RGS6: variants seen among roughly 807,000 people sequenced by gnomAD.
RGS6 encodes the protein regulator of G-protein signaling 6.
RGS6 carries 30 observed loss-of-function variants against 78.5 expected under a neutral mutation model. The ratio of observed to expected loss-of-function variants is 0.38; its 90% confidence interval spans 0.29 to 0.52. The LOEUF is 0.52. Among genes scored for constraint, RGS6 ranks in the 20% least tolerant of loss-of-function variants. The pLI is 0.85. For synonymous variants in RGS6, 206 were observed against 206.0 expected (o/e 1.00, Z 0.00); for missense variants, 495 against 609.7 (o/e 0.81, Z 1.98).
intron 2 of RGS6, among the ~76,000 whole-genome samples, chr14:72,265,217 G>GT (rs1319435776): frequency 3.3e-5 from 5 of 152,148 alleles, no homozygotes; most frequent in Admixed American, 2.6e-4. Flanking sequence ...AATTAGTGGG[G>GT]TGTGGTGGGC....
chr14:72,184,908 A>G (rs948743949), intron 2 of RGS6, among the ~76,000 whole-genome samples: 2 of 152,194 alleles, frequency 1.3e-5, no homozygotes, highest in Admixed American at 6.5e-5. Flanking sequence ...ATTAAGGAGT[A>G]TTGACTCACA....
At chr14:71,909,192 C>T in the RGS6 span, among the ~76,000 whole-genome samples, 7 of 152,226 alleles carry the variant, frequency 4.6e-5, no homozygotes, top group African/African-American at 1.4e-4. Flanking sequence ...GAAAGGATGG[C>T]GTGTTCCTCC....
chr14:72,157,990 T>C (rs974451989), intron 2 of RGS6, among the ~76,000 whole-genome samples: 1 of 152,132 alleles, frequency 6.6e-6, no homozygotes, highest in Non-Finnish European at 1.5e-5. Context: ...TATCCCTCCC[T>C]TAGCCCCGCA....
the RGS6 span, among the ~76,000 whole-genome samples, chr14:71,885,467 A>G: frequency 6.6e-6 from 1 of 152,210 alleles, no homozygotes; most frequent in Non-Finnish European, 1.5e-5. Context: ...TTCAACTCTT[A>G]GGAGAGCCAA....
At chr14:71,986,773 G>GA (rs1376042685) in intron 2 of RGS6, among the ~76,000 whole-genome samples, 1 of 152,162 alleles carries the variant, frequency 6.6e-6, no homozygotes, top group Non-Finnish European at 1.5e-5. Context: ...AATCAGGAGT[G>GA]AAAAATGATT....
chr14:72,510,366 A>C, intron 14 of RGS6, 87 bp downstream of exon 14: 18 of 1,527,900 alleles, frequency 1.2e-5, no homozygotes, highest in Non-Finnish European at 1.5e-5. Context: ...TCTCTCAATG[A>C]AACGTTATCA....
chr14:72,486,814 A>G (rs1355550538), intron 12 of RGS6, among the ~76,000 whole-genome samples: 3 of 152,212 alleles, frequency 2.0e-5, no homozygotes. Context: ...CTAAAGAGAC[A>G]GGAGAGCAAG....
At chr14:72,510,621 C>G (rs887984087) in intron 14 of RGS6, among the ~76,000 whole-genome samples, 2 of 152,216 alleles carry the variant, frequency 1.3e-5, no homozygotes, top group African/African-American at 4.8e-5. Context: ...GGAGAGGCAT[C>G]TCAGAGGCTG....
intron 3 of RGS6, among the ~76,000 whole-genome samples, chr14:72,357,777 G>A (rs1435519697): frequency 1.3e-5 from 2 of 152,146 alleles, no homozygotes; most frequent in African/African-American, 4.8e-5. Context: ...ACATTTTCTG[G>A]GGAGAAATTC....
chr14:72,262,122 G>A (rs144118280), intron 2 of RGS6, among the ~76,000 whole-genome samples: 1 of 151,806 alleles, frequency 6.6e-6, no homozygotes, highest in African/African-American at 2.4e-5. Context: ...TTCCTATTCA[G>A]CCTCATCATA....
chr14:72,375,165 CAG>C (rs1282726062), intron 3 of RGS6, among the ~76,000 whole-genome samples: 5 of 152,034 alleles, frequency 3.3e-5, no homozygotes, highest in Non-Finnish European at 7.4e-5. Context: ...AAGTAAATAA[CAG>C]AGAAAATGGG....
chr14:72,212,199 C>T (rs2044347884), intron 2 of RGS6, among the ~76,000 whole-genome samples: 1 of 152,166 alleles, frequency 6.6e-6, no homozygotes, highest in African/African-American at 2.4e-5. Context: ...CCCTTTGTGT[C>T]CATTTTGAGG....
At chr14:72,473,179 C>T (rs2096133061) in intron 9 of RGS6, among the ~76,000 whole-genome samples, 1 of 152,230 alleles carries the variant, frequency 6.6e-6, no homozygotes, top group African/African-American at 2.4e-5. Context: ...CATGGCGGCT[C>T]ACGCCTGTAA....
At chr14:71,967,566 C>G (rs528683315) in intron 2 of RGS6, among the ~76,000 whole-genome samples, 1 of 152,194 alleles carries the variant, frequency 6.6e-6, no homozygotes, top group South Asian at 2.1e-4. Flanking sequence ...AGCCATAAAC[C>G]CAAACCTTTC....
intron 3 of RGS6, among the ~76,000 whole-genome samples, chr14:72,356,847 CTG>C (rs1193781398): frequency 6.6e-6 from 1 of 152,232 alleles, no homozygotes; most frequent in African/African-American, 2.4e-5. Flanking sequence ...CCGTGCTGAA[CTG>C]TGAGTCAATT....
chr14:72,321,989 T>G (rs1459509966), intron 2 of RGS6, among the ~76,000 whole-genome samples: 1 of 152,012 alleles, frequency 6.6e-6, no homozygotes, highest in African/African-American at 2.4e-5. Flanking sequence ...CAAAAAGGAA[T>G]CCATGTGAAT....
At chr14:72,154,193 C>T (rs531103733) in intron 2 of RGS6, among the ~76,000 whole-genome samples, 89 of 152,296 alleles carry the variant, frequency 5.8e-4, no homozygotes, top group African/African-American at 2.1e-3. Context: ...CCTGACCCCG[C>T]AGGCAGTCAG....
chr14:72,363,185 A>G (rs533774883), intron 3 of RGS6, among the ~76,000 whole-genome samples: 28 of 152,310 alleles, frequency 1.8e-4, no homozygotes, highest in Admixed American at 7.2e-4. Flanking sequence ...AAGGTAACCC[A>G]TCTACCCTGC....
chr14:72,599,865 G>A, the RGS6 span, among the ~76,000 whole-genome samples: 650 of 152,170 alleles, frequency 4.3e-3, 3 homozygotes, highest in Non-Finnish European at 6.1e-3. Context: ...CACAGGCCTC[G>A]GGTTCATGTT....
Sources: allele counts gnomAD v4.1 joint callset (sites outside exome capture counted in the v4.1 genomes callset), GRCh38; gene constraint gnomAD v4.1.1; transcripts MANE v1.5; gene names NCBI Gene and HGNC (gene_info 2026-07-23, HGNC 2026-07-21).